CHRM5: variants seen among roughly 807,000 people sequenced by gnomAD.
CHRM5 encodes muscarinic acetylcholine receptor M5.
CHRM5 carries 18 observed loss-of-function variants against 39.0 expected under a neutral mutation model. The ratio of observed to expected loss-of-function variants is 0.46; its 90% CI spans 0.32 to 0.68. The LOEUF is 0.68. Among genes scored for constraint, CHRM5 ranks in the 30% least tolerant of loss-of-function variants. The pLI is 0.04. For synonymous variants in CHRM5, 241 were observed against 246.3 expected, an observed-to-expected ratio of 0.98 and a Z score of 0.20; for missense variants, 515 against 651.1, an observed-to-expected ratio of 0.79 and a Z score of 2.28.
chr15:34,000,478 C>T (rs1245495171), intron 1 of CHRM5, among the ~76,000 whole-genome samples: 6 of 152,100 alleles, frequency 3.9e-5, no homozygotes, highest in African/African-American at 1.2e-4. Context: ...TCATCTTTAC[C>T]GTGGAAAGCA....
At chr15:34,032,448 T>A (rs1360295368) in intron 1 of CHRM5, among the ~76,000 whole-genome samples, 2 of 152,144 alleles carry the variant, frequency 1.3e-5, no homozygotes, top group African/African-American at 4.8e-5. Flanking sequence ...TAGCAGCAGT[T>A]TAAAACAAAG....
intron 1 of CHRM5, among the ~76,000 whole-genome samples, chr15:33,983,217 T>TATAG (rs1237519717): frequency 9.4e-6 from 1 of 106,786 alleles, no homozygotes; most frequent in Non-Finnish European, 1.7e-5. Context: ...TATATATACA[T>TATAG]ATATATACAC....
chr15:34,016,129 A>G (rs1897898008), intron 1 of CHRM5, among the ~76,000 whole-genome samples: 1 of 152,160 alleles, frequency 6.6e-6, no homozygotes, highest in African/African-American at 2.4e-5. Context: ...ATACAAAATT[A>G]GCTGGGCATG....
At chr15:33,976,474 A>G (rs1895894507) in intron 1 of CHRM5, among the ~76,000 whole-genome samples, 1 of 152,272 alleles carries the variant, frequency 6.6e-6, no homozygotes, top group Non-Finnish European at 1.5e-5. Flanking sequence ...CAGCTTTAAT[A>G]TAAATTTCTG....
chr15:34,054,355 T>C (rs1174734801), intron 2 of CHRM5, among the ~76,000 whole-genome samples: 2 of 152,158 alleles, frequency 1.3e-5, no homozygotes, highest in Non-Finnish European at 2.9e-5. Context: ...TATAAATCAT[T>C]CTATCATAAA....
intron 1 of CHRM5, chr15:34,038,717 C>T: frequency 8.9e-7 from 1 of 1,120,496 alleles, no homozygotes; most frequent in East Asian, 4.6e-5. Flanking sequence ...TCTTGACTGG[C>T]GGCCTCGGCC....
chr15:34,005,638 C>T (rs1453765446), intron 1 of CHRM5, among the ~76,000 whole-genome samples: 1 of 152,160 alleles, frequency 6.6e-6, no homozygotes, highest in African/African-American at 2.4e-5. Flanking sequence ...TCCACTCACC[C>T]ACTGTACAGA....
At chr15:34,035,086 G>C (rs967414926) in intron 1 of CHRM5, among the ~76,000 whole-genome samples, 1 of 152,138 alleles carries the variant, frequency 6.6e-6, no homozygotes, top group African/African-American at 2.4e-5. Context: ...GAAAATTAGA[G>C]ATTTCCTTTT....
At chr15:33,969,898 T>C (rs756936074) in intron 1 of CHRM5, among the ~76,000 whole-genome samples, 1 of 152,038 alleles carries the variant, frequency 6.6e-6, no homozygotes, top group Non-Finnish European at 1.5e-5. Context: ...ACAGTGCCTT[T>C]AAGAAATTCC....
intron 1 of CHRM5, among the ~76,000 whole-genome samples, chr15:34,016,157 T>C (rs1897900179): frequency 6.6e-6 from 1 of 152,130 alleles, no homozygotes. Context: ...ACGCCTGTAA[T>C]TCCAGCTACT....
chr15:34,039,534 ATT>A (rs1361422567), intron 1 of CHRM5, among the ~76,000 whole-genome samples: 2 of 152,156 alleles, frequency 1.3e-5, no homozygotes, highest in African/African-American at 4.8e-5. Flanking sequence ...GTTTAATCTA[ATT>A]TTCAGCAACG....
intron 1 of CHRM5, among the ~76,000 whole-genome samples, chr15:33,974,640 A>T (rs954338973): frequency 2.6e-5 from 4 of 152,206 alleles, no homozygotes; most frequent in African/African-American, 9.7e-5. Flanking sequence ...ACGTCCTCAC[A>T]GAAATCTGTG....
At chr15:33,972,399 T>C (rs1231004420) in intron 1 of CHRM5, 1 of 152,084 alleles carries the variant, frequency 6.6e-6, no homozygotes, top group African/African-American at 2.4e-5. Flanking sequence ...ATATAGATTA[T>C]AAAGTGATCC....
At chr15:33,979,678 T>A (rs913712029) in intron 1 of CHRM5, among the ~76,000 whole-genome samples, 70 of 152,304 alleles carry the variant, frequency 4.6e-4, no homozygotes, top group African/African-American at 1.6e-3. Flanking sequence ...CATTCTATAA[T>A]GTTCCTGAAG....
intron 1 of CHRM5, among the ~76,000 whole-genome samples, chr15:34,034,674 G>A (rs1899034188): frequency 6.6e-6 from 1 of 152,136 alleles, no homozygotes; most frequent in Non-Finnish European, 1.5e-5. Flanking sequence ...TTGAAAATAT[G>A]TAAGTGAAAT....
At chr15:34,017,771 A>T (rs1898005608) in intron 1 of CHRM5, among the ~76,000 whole-genome samples, 1 of 152,088 alleles carries the variant, frequency 6.6e-6, no homozygotes. Context: ...TGAGCCACTG[A>T]GCCTGGCCAG....
chr15:34,031,245 G>A (rs1348587260), intron 1 of CHRM5, among the ~76,000 whole-genome samples: 2 of 127,368 alleles, frequency 1.6e-5, no homozygotes, highest in Non-Finnish European at 3.1e-5. Flanking sequence ...CGCGATCTCA[G>A]CTCACTGCAA....
intron 1 of CHRM5, among the ~76,000 whole-genome samples, chr15:34,042,778 A>G (rs1393945032): frequency 2.0e-5 from 3 of 152,176 alleles, no homozygotes; most frequent in African/African-American, 7.2e-5. Context: ...CCAGAAAAAT[A>G]GCATCACCTG....
intron 1 of CHRM5, chr15:34,003,339 A>T: frequency 1.3e-6 from 1 of 758,714 alleles, no homozygotes; most frequent in Non-Finnish European, 2.1e-6. Flanking sequence ...GAAGATATTA[A>T]ATATTATTTT....
Sources: allele counts gnomAD v4.1 joint callset (sites outside exome capture counted in the v4.1 genomes callset), GRCh38; gene constraint gnomAD v4.1.1; transcripts MANE v1.5; gene names NCBI Gene and HGNC (gene_info 2026-07-23, HGNC 2026-07-21).